The following CLDN3 variants were observed in gnomAD, a reference collection of about 807,000 sequenced individuals.
CLDN3 encodes claudin 3.
A neutral mutation model predicts 16.3 loss-of-function variants in CLDN3; 6 were observed. The ratio of observed to expected loss-of-function variants is 0.37; its 90% CI spans 0.20 to 0.73. The LOEUF (loss-of-function observed/expected upper bound fraction) is 0.73, where lower values mean the gene tolerates loss of function less well. CLDN3 is among the 30% of genes least tolerant of loss of function. CLDN3 has a pLI of 0.52. For synonymous variants in CLDN3, 145 were observed against 150.1 expected (o/e 0.97, Z 0.25); for missense variants, 248 against 305.2 (o/e 0.81, Z 1.40).
chr7:73,769,568 G>T lies in CLDN3; in HGVS notation c.482C>A (p.Ala161Glu). Residue 161 changes from alanine (A) to glutamate (E), a missense_variant, in exon 1 of 1, where the codon GCG becomes GAG. Coordinates refer to ENST00000395145, the MANE Select transcript of CLDN3 (RefSeq NM_001306.4). ...GGCCGCCCAGCCCACGTACAGGCCC[G>T]CGCCCATCTCGCGCTTCTGCGCCTC... is the stretch of plus-strand genomic sequence containing the variant. ...VPEAQKREMG[A>E]GLYVGWAAAA... The T allele has an allele frequency of 6.2e-7, 1 of 1,603,570 alleles. No individual in the cohort carries two copies. The highest frequency in any genetic ancestry group is 1.1e-5 in the South Asian group (1 of 89,628).
chr7:73,770,059 G>A lies in CLDN3; in HGVS notation c.-10C>T. 6.6e-7 allele frequency: 1 copy of A among 1,516,858 alleles called. No individual in the cohort carries two copies. The highest frequency in any genetic ancestry group is 2.0e-5 in the Admixed American group (1 of 48,994). The allele number at this position is 1,516,858 out of a possible 1,614,324, so 94.0% of individuals were successfully genotyped here. ...CCAGGCCCATGGACATGGCTGCCGC[G>A]GCAAGGCCCGCTCCACCGGGTGGCT... On this transcript the variant is annotated 5_prime_UTR_variant, in exon 1 of 1. Coordinates refer to ENST00000395145, the MANE Select transcript of CLDN3 (RefSeq NM_001306.4). The surrounding 1 kb of genome is among the most constrained non-coding windows in gnomAD (Gnocchi z 5.7).
chr7:73,770,061 C>A lies in CLDN3; in HGVS notation c.-12G>T. On this transcript the variant is annotated 5_prime_UTR_variant, in exon 1 of 1. Coordinates refer to ENST00000395145, the MANE Select transcript of CLDN3 (RefSeq NM_001306.4). The surrounding 1 kb of genome is among the most constrained non-coding windows in gnomAD (Gnocchi z 5.7). ...AGGCCCATGGACATGGCTGCCGCGG[C>A]AAGGCCCGCTCCACCGGGTGGCTCC... The A allele has an allele frequency of 6.6e-7, 1 of 1,514,942 alleles. No individual in the cohort carries two copies. The highest frequency in any genetic ancestry group is 8.9e-7 in the Non-Finnish European group (1 of 1,129,764). The allele number at this position is 1,514,942 out of a possible 1,614,324, so 93.8% of individuals were successfully genotyped here. A position where few individuals can be genotyped will look rare whatever the true frequency, so the allele number is the denominator to read the frequency against.
At position 73,769,273 on chromosome 7, in the gene CLDN3, G is replaced by A. The variant is rs776419519; in HGVS notation, c.*114C>T. 3 of 1,461,368 alleles carry A rather than the reference G, an allele frequency of 2.1e-6. No individual in the cohort carries two copies. Among genetic ancestry groups the A allele is most frequent in the Admixed American group, 2.6e-5 (1 of 38,222 alleles). The allele number at this position is 1,461,368 out of a possible 1,614,324, so 90.5% of individuals were successfully genotyped here. ...GGGGCTTCCTGGCTTCTGGGGGTGG[G>A]CTGGCCTCCGAGGCAAGGCTGCACG... is the stretch of plus-strand genomic sequence containing the variant. On this transcript the variant is annotated 3_prime_UTR_variant, in exon 1 of 1. Coordinates refer to ENST00000395145, the MANE Select transcript of CLDN3 (RefSeq NM_001306.4).
chr7:73,769,086 C>A lies in CLDN3; in HGVS notation c.*301G>T. 3 of 580,630 alleles carry A rather than the reference C, an allele frequency of 5.2e-6. No individual in the cohort carries two copies. The highest frequency in any genetic ancestry group is 8.1e-6 in the Non-Finnish European group (3 of 370,082). The allele number at this position is 580,630 out of a possible 1,614,324, so 36.0% of individuals were successfully genotyped here. A position where few individuals can be genotyped will look rare whatever the true frequency, so the allele number is the denominator to read the frequency against. ...CAGCGCGAGCATGGGGGCAGCGGCC[C>A]GATGGGGCTCGACGGGGTGGTCAAG... On this transcript the variant is annotated 3_prime_UTR_variant, in exon 1 of 1. Transcript: ENST00000395145.
In CLDN3 at chr7:73,769,095, T is replaced by A. The variant is rs1386841004; in HGVS notation, c.*292A>T. The A allele has an allele frequency of 4.5e-5, 29 of 642,190 alleles. No homozygotes were observed. Among genetic ancestry groups the A allele is most frequent in the Non-Finnish European group, 6.9e-5 (29 of 422,556 alleles). The allele number at this position is 642,190 out of a possible 1,614,324, so 39.8% of individuals were successfully genotyped here. A position where few individuals can be genotyped will look rare whatever the true frequency, so the allele number is the denominator to read the frequency against. On this transcript the variant is annotated 3_prime_UTR_variant, in exon 1 of 1. Coordinates refer to ENST00000395145, the MANE Select transcript of CLDN3 (RefSeq NM_001306.4). ...CATGGGGGCAGCGGCCCGATGGGGC[T>A]CGACGGGGTGGTCAAGTATTGGCGG...
Position 73,769,273 on chromosome 7 carries a change from G to C in CLDN3, c.*114C>G, listed in dbSNP as rs776419519. The C allele has an allele frequency of 3.1e-5, 45 of 1,461,368 alleles. No individual in the cohort carries two copies. Among genetic ancestry groups the C allele is most frequent in the Non-Finnish European group, 3.8e-5 (42 of 1,111,930 alleles). The allele number at this position is 1,461,368 out of a possible 1,614,324, so 90.5% of individuals were successfully genotyped here. A position where few individuals can be genotyped will look rare whatever the true frequency, so the allele number is the denominator to read the frequency against. ...GGGGCTTCCTGGCTTCTGGGGGTGG[G>C]CTGGCCTCCGAGGCAAGGCTGCACG... On this transcript the variant is annotated 3_prime_UTR_variant, in exon 1 of 1. Transcript: ENST00000395145.
rs565699335 is a variant in CLDN3, at chr7:73,769,079, A to C, written c.*308T>G. ...CCCTGCCCAGCGCGAGCATGGGGGC[A>C]GCGGCCCGATGGGGCTCGACGGGGT... On this transcript the variant is annotated 3_prime_UTR_variant, in exon 1 of 1. Transcript: ENST00000395145. 101 of 527,756 alleles carry C rather than the reference A, an allele frequency of 1.9e-4. No individual in the cohort carries two copies. Among genetic ancestry groups the C allele is most frequent in the African/African-American group, 1.9e-3 (94 of 49,918 alleles). 32.7% of individuals were successfully genotyped at this position (527,756 alleles called of 1,614,324 possible). A position where few individuals can be genotyped will look rare whatever the true frequency, so the allele number is the denominator to read the frequency against.
rs1476652670 is a variant in CLDN3 at position 73,769,205 on chromosome 7, C to G, written c.*182G>C. 2 of 1,413,892 alleles carry G rather than the reference C, an allele frequency of 1.4e-6. No homozygotes were observed. The highest frequency in any genetic ancestry group is 1.8e-6 in the Non-Finnish European group (2 of 1,085,890). 87.6% of individuals were successfully genotyped at this position (1,413,892 alleles called of 1,614,324 possible). On this transcript the variant is annotated 3_prime_UTR_variant, in exon 1 of 1. Coordinates refer to ENST00000395145, the MANE Select transcript of CLDN3 (RefSeq NM_001306.4). ...GGGCCCCGAAGTCGACTGCCCGGCC[C>G]GCAAAGCCGTGGCTGCTGGGGAAGC...
In CLDN3 at chr7:73,769,481, T is replaced by A. The variant is rs1554626624; in HGVS notation, c.569A>T (p.Lys190Met). ...GTAGACGACCTTGGTGGCCGTGTAC[T>A]TCTTCTCGCGTGGGGGACACGAGCA... ...LCCSCPPREK[K>M]YTATKVVYSA... Residue 190 changes from lysine (K) to methionine (M), a missense_variant, in exon 1 of 1, where the codon AAG becomes ATG. Physicochemically the swap from Lys to Met is moderately conservative, Grantham distance 95. Transcript: ENST00000395145. 6.2e-7 allele frequency: 1 copy of A among 1,609,292 alleles called. No individual in the cohort carries two copies. Among genetic ancestry groups the A allele is most frequent in the East Asian group, 2.2e-5 (1 of 44,854 alleles).
rs782211762 is a variant in CLDN3 at position 73,769,980 on chromosome 7, A to C, written c.70T>G (p.Cys24Gly). Residue 24 changes from cysteine to glycine, a missense_variant, in exon 1 of 1, where the codon TGC (cysteine) becomes GGC (glycine). Transcript: ENST00000395145. ...GACACGCGCCACATGGGCAACGCGCAGCACACGATGGTGCCCAGCCAGCCC... is the reference window on the plus strand; with the variant it reads ...GACACGCGCCACATGGGCAACGCGCCGCACACGATGGTGCCCAGCCAGCCC... ...VLGWLGTIVC[C>G]ALPMWRVSAF... The C allele has an allele frequency of 6.2e-7, 1 of 1,613,186 alleles. No individual in the cohort carries two copies.
rs1554626668 is a variant in CLDN3, at chr7:73,769,617, C to T, written c.433G>A (p.Asp145Asn). ...VSWSANTIIRDFYNPVVPEAQ... is the reference protein window; with the variant it reads ...VSWSANTIIRNFYNPVVPEAQ... ...TCGGGCACCACGGGGTTGTAGAAGTCCCGGATAATGGTGTTGGCCGACCAG... is the reference window on the plus strand; with the variant it reads ...TCGGGCACCACGGGGTTGTAGAAGTTCCGGATAATGGTGTTGGCCGACCAG... The change falls in exon 1 of 1, where the codon GAC becomes AAC. Residue 145 changes from aspartate (D) to asparagine (N), a missense_variant. Physicochemically the swap from Asp to Asn is conservative, Grantham distance 23. Coordinates refer to ENST00000395145, the MANE Select transcript of CLDN3 (RefSeq NM_001306.4). The T allele has an allele frequency of 1.9e-6, 3 of 1,612,384 alleles. No individual in the cohort carries two copies. Among genetic ancestry groups the T allele is most frequent in the Non-Finnish European group, 1.7e-6 (2 of 1,179,496 alleles).
chr7:73,769,538 G>T lies in CLDN3; in HGVS notation c.512C>A (p.Ala171Glu). The T allele has an allele frequency of 1.2e-6, 2 of 1,602,454 alleles. No homozygotes were observed. The highest frequency in any genetic ancestry group is 1.7e-6 in the Non-Finnish European group (2 of 1,175,104). Residue 171 changes from alanine to glutamate, a missense_variant, in exon 1 of 1, where the codon GCG becomes GAG. Transcript: ENST00000395145. ...CAGCGCGCCCCCCAGCAGCTGCAGCGCCGCGGCCGCCCAGCCCACGTACAG... is the reference window on the plus strand; with the variant it reads ...CAGCGCGCCCCCCAGCAGCTGCAGCTCCGCGGCCGCCCAGCCCACGTACAG... ...AGLYVGWAAA[A>E]LQLLGGALLC...
rs1787026569 is a variant in CLDN3 at position 73,770,136 on chromosome 7, G to A, written c.-87C>T. The A allele has an allele frequency of 7.2e-7, 1 of 1,380,338 alleles. No homozygotes were observed. The allele number at this position is 1,380,338 out of a possible 1,614,324, so 85.5% of individuals were successfully genotyped here. Reference sequence around the variant, plus strand: ...GGCCGCTGGGCCTGGCGGGAGCTGCGGCGCCCCGACGGACGGACGGACGGA... The same window carrying A: ...GGCCGCTGGGCCTGGCGGGAGCTGCAGCGCCCCGACGGACGGACGGACGGA... On this transcript the variant is annotated 5_prime_UTR_variant, in exon 1 of 1. Transcript: ENST00000395145. The surrounding 1 kb of genome is among the most constrained non-coding windows in gnomAD (Gnocchi z 5.7).
Position 73,769,312 on chromosome 7 carries a change from T to G in CLDN3, c.*75A>C. 3.9e-6 allele frequency: 6 copies of G among 1,525,302 alleles called. No homozygotes were observed. The highest frequency in any genetic ancestry group is 4.4e-6 in the Non-Finnish European group (5 of 1,142,924). 94.5% of individuals were successfully genotyped at this position (1,525,302 alleles called of 1,614,324 possible). On this transcript the variant is annotated 3_prime_UTR_variant, in exon 1 of 1. Coordinates refer to ENST00000395145, the MANE Select transcript of CLDN3 (RefSeq NM_001306.4). ...CAAGGCTGCACGCTGGATGGCCTGG[T>G]GCGCGCTCCAGCTCGCGGTGGTGGT...
In CLDN3 at chr7:73,770,191, C is replaced by A. The variant is rs532606506; in HGVS notation, c.-142G>T. 9 of 1,265,338 alleles carry A rather than the reference C, an allele frequency of 7.1e-6. No homozygotes were observed. The African/African-American group carries it at 1.4e-4, about 20-fold the overall frequency. The allele number at this position is 1,265,338 out of a possible 1,614,324, so 78.4% of individuals were successfully genotyped here. The stretch of plus-strand genomic sequence containing the variant: ...CTGACTCACCGACGGCGCGCGCTAA[C>A]GGCTCGGCTCCATACGCTCTCGCCG... On this transcript the variant is annotated 5_prime_UTR_variant, in exon 1 of 1. Transcript: ENST00000395145. The surrounding 1 kb of genome is among the most constrained non-coding windows in gnomAD (Gnocchi z 5.7).
Position 73,770,004 on chromosome 7 carries a change from C to T in CLDN3, c.46G>A (p.Gly16Ser). The T allele has an allele frequency of 1.2e-6, 2 of 1,609,180 alleles. No individual in the cohort carries two copies. The highest frequency in any genetic ancestry group is 1.1e-5 in the South Asian group (1 of 90,446). Residue 16 changes from glycine to serine, a missense_variant, in exon 1 of 1, where the codon GGC becomes AGC. By Grantham distance (56) the Gly-to-Ser change is moderately conservative (BLOSUM62 0). Transcript: ENST00000395145. The surrounding 1 kb of genome is among the most constrained non-coding windows in gnomAD (Gnocchi z 5.7). ...EITGTALAVL[G>S]WLGTIVCCAL... is the part of the protein sequence containing the mutation. ...CAGCACACGATGGTGCCCAGCCAGC[C>T]CAGCACGGCCAGCGCGGTGCCCGTG...
Position 73,769,933 on chromosome 7 carries a change from G to A in CLDN3, c.117C>T (p.Ile39=). ...WRVSAFIGSN[I]ITSQNIWEGL... is the part of the protein sequence containing the mutation. Reference sequence around the variant, plus strand: ...CCTCCCAGATGTTCTGCGACGTGATGATGTTGCTGCCGATGAAGGCCGACA... The same window carrying A: ...CCTCCCAGATGTTCTGCGACGTGATAATGTTGCTGCCGATGAAGGCCGACA... Residue 39 remains isoleucine, a synonymous_variant, in exon 1 of 1, where the codon ATC becomes ATT. Coordinates refer to ENST00000395145, the MANE Select transcript of CLDN3 (RefSeq NM_001306.4). 2 of 1,613,410 alleles carry A rather than the reference G, an allele frequency of 1.2e-6. No homozygotes were observed. Among genetic ancestry groups the A allele is most frequent in the Non-Finnish European group, 8.5e-7 (1 of 1,179,956 alleles).
Position 73,769,093 on chromosome 7 carries a change from G to C in CLDN3, c.*294C>G, listed in dbSNP as rs1403590422. On this transcript the variant is annotated 3_prime_UTR_variant, in exon 1 of 1. Coordinates refer to ENST00000395145, the MANE Select transcript of CLDN3 (RefSeq NM_001306.4). ...AGCATGGGGGCAGCGGCCCGATGGGGCTCGACGGGGTGGTCAAGTATTGGC... is the reference window on the plus strand; with the variant it reads ...AGCATGGGGGCAGCGGCCCGATGGGCCTCGACGGGGTGGTCAAGTATTGGC... 1 of 628,256 alleles carries C rather than the reference G, an allele frequency of 1.6e-6. No homozygotes were observed. The highest frequency in any genetic ancestry group is 1.9e-5 in the African/African-American group (1 of 51,434). 38.9% of individuals were successfully genotyped at this position (628,256 alleles called of 1,614,324 possible). A position where few individuals can be genotyped will look rare whatever the true frequency, so the allele number is the denominator to read the frequency against.
In CLDN3 at chr7:73,770,176, G is replaced by A. The variant is rs1401694250; in HGVS notation, c.-127C>T. On this transcript the variant is annotated 5_prime_UTR_variant, in exon 1 of 1. Coordinates refer to ENST00000395145, the MANE Select transcript of CLDN3 (RefSeq NM_001306.4). The surrounding 1 kb of genome is among the most constrained non-coding windows in gnomAD (Gnocchi z 5.7). ...GGACGGACGGACGGACTGACTCACC[G>A]ACGGCGCGCGCTAACGGCTCGGCTC... 20 of 1,323,662 alleles carry A rather than the reference G, an allele frequency of 1.5e-5. No individual in the cohort carries two copies. The highest frequency in any genetic ancestry group is 1.7e-5 in the Non-Finnish European group (18 of 1,029,806). The allele number at this position is 1,323,662 out of a possible 1,614,324, so 82.0% of individuals were successfully genotyped here.
Sources: allele counts gnomAD v4.1 joint callset, GRCh38; gene constraint gnomAD v4.1.1; non-coding constraint Gnocchi (gnomAD v3.1); transcripts MANE v1.5; gene names NCBI Gene and HGNC (gene_info 2026-07-23, HGNC 2026-07-21).